Variants in SUCLG2 observed in about 807,000 individuals in gnomAD.
The protein encoded by SUCLG2 is succinate-CoA ligase GDP-forming subunit beta.
In SUCLG2, 42 loss-of-function variants were observed where a neutral mutation model predicts 47.9. The ratio of observed to expected loss-of-function variants is 0.88; its 90% confidence interval spans 0.69 to 1.14. SUCLG2 has a LOEUF of 1.14. Ranked by LOEUF, SUCLG2 falls within the 50% of genes most tolerant of loss-of-function variation. SUCLG2 has a pLI of 0.00. For missense variants in SUCLG2, 571 were observed against 525.9 expected (o/e 1.09, Z -0.84); for synonymous variants, 195 against 197.3 (o/e 0.99, Z 0.10).
chr3:67,450,349 C>T (rs1046350917), intron 9 of SUCLG2, among the ~76,000 whole-genome samples: 18 of 152,134 alleles, frequency 1.2e-4, no homozygotes, highest in African/African-American at 4.1e-4. Context: ...GGAAAATGTA[C>T]AATAGTTTTA....
chr3:67,577,036 C>T (rs1222664186), intron 2 of SUCLG2, among the ~76,000 whole-genome samples: 3 of 152,166 alleles, frequency 2.0e-5, no homozygotes, highest in African/African-American at 7.2e-5. Flanking sequence ...AACTAGGACA[C>T]TCAAAAGTGA....
At chr3:67,516,737 G>A (rs979425670) in intron 6 of SUCLG2, among the ~76,000 whole-genome samples, 1 of 152,190 alleles carries the variant, frequency 6.6e-6, no homozygotes, top group African/African-American at 2.4e-5. Flanking sequence ...ATCTAGCAAA[G>A]GTGACTGCAA....
intron 1 of SUCLG2, among the ~76,000 whole-genome samples, chr3:67,648,084 T>C (rs1823476): frequency 0.34 from 52,246 of 152,082 alleles, 9,218 homozygotes; most frequent in Non-Finnish European, 0.36. Flanking sequence ...CCAAATGTCT[T>C]AAATATCATC....
chr3:67,603,291 C>A (rs927892093), intron 2 of SUCLG2, among the ~76,000 whole-genome samples: 4 of 151,658 alleles, frequency 2.6e-5, no homozygotes, highest in Admixed American at 6.5e-5. Context: ...AAAGCCACAA[C>A]AATCAAGGAG....
At chr3:67,570,084 A>G (rs1477438985) in intron 2 of SUCLG2, among the ~76,000 whole-genome samples, 2 of 152,220 alleles carry the variant, frequency 1.3e-5, no homozygotes, top group Non-Finnish European at 2.9e-5. Flanking sequence ...GAGAGACATC[A>G]GGGACAGGAG....
At chr3:67,613,476 G>A (rs567834274) in intron 1 of SUCLG2, among the ~76,000 whole-genome samples, 1 of 152,244 alleles carries the variant, frequency 6.6e-6, no homozygotes, top group South Asian at 2.1e-4. Context: ...ACACATTCAG[G>A]CCAACGTTTA....
chr3:67,394,235 G>A (rs190881264), intron 10 of SUCLG2, among the ~76,000 whole-genome samples: 10,874 of 151,906 alleles, frequency 0.072, 399 homozygotes, highest in Middle Eastern at 0.14. Flanking sequence ...AGCTACAGGA[G>A]GAAATTCAAA....
At chr3:67,535,010 A>T (rs1667095638) in intron 2 of SUCLG2, among the ~76,000 whole-genome samples, 1 of 152,126 alleles carries the variant, frequency 6.6e-6, no homozygotes, top group Non-Finnish European at 1.5e-5. Context: ...TCCTATTATG[A>T]TATACATTGA....
chr3:67,533,821 G>C (rs192752864), intron 2 of SUCLG2, among the ~76,000 whole-genome samples: 3 of 152,290 alleles, frequency 2.0e-5, no homozygotes, highest in African/African-American at 7.2e-5. Flanking sequence ...ATGGGAATAA[G>C]ATGATACTGT....
At chr3:67,386,384 G>C (rs1446992297) in intron 10 of SUCLG2, among the ~76,000 whole-genome samples, 1 of 151,378 alleles carries the variant, frequency 6.6e-6, no homozygotes, top group Non-Finnish European at 1.5e-5. Flanking sequence ...CAAAAGTCTT[G>C]TACACTTCAT....
chr3:67,372,183 A>G (rs1475242002), downstream of SUCLG2, among the ~76,000 whole-genome samples: 2 of 152,216 alleles, frequency 1.3e-5, no homozygotes, highest in Non-Finnish European at 2.9e-5. Context: ...GACGGCACTG[A>G]TATTTACCAT....
chr3:67,382,774 G>A lies in SUCLG2; in HGVS notation c.1184-6915C>T, dbSNP rs533868033. Among the ~76,000 whole-genome samples the A allele has an allele frequency of 6.6e-4, 100 of 152,236 alleles. 1 individual carries two copies. Among genetic ancestry groups the A allele is most frequent in the Middle Eastern group, 6.8e-3 (2 of 294 alleles). On this transcript the variant is annotated intron_variant, in intron 10 of 10. Coordinates refer to ENST00000307227, the MANE Select transcript of SUCLG2 (RefSeq NM_003848.4). The stretch of plus-strand genomic sequence containing the variant: ...GCTGTGGCACAGACAGCATGGCCTC[G>A]AAAGCCTAAAGTATTTCAGCCCCTC...
At chr3:67,508,164 G>A (rs1202309095) in intron 7 of SUCLG2, among the ~76,000 whole-genome samples, 2 of 152,146 alleles carry the variant, frequency 1.3e-5, no homozygotes, top group African/African-American at 4.8e-5. Context: ...TCCAAGTAAG[G>A]TGAAAGAGTT....
At chr3:67,547,024 C>T (rs1193791295) in intron 2 of SUCLG2, among the ~76,000 whole-genome samples, 1 of 152,244 alleles carries the variant, frequency 6.6e-6, no homozygotes, top group African/African-American at 2.4e-5. Flanking sequence ...TATACCCCCA[C>T]ATTCTCTGCT....
At chr3:67,547,060 T>C (rs1042087761) in intron 2 of SUCLG2, among the ~76,000 whole-genome samples, 5 of 152,210 alleles carry the variant, frequency 3.3e-5, no homozygotes, top group African/African-American at 1.2e-4. Flanking sequence ...GGGTCTCTTG[T>C]ACCCCAAAAT....
chr3:67,535,201 T>C (rs1046718800), intron 2 of SUCLG2, among the ~76,000 whole-genome samples: 6 of 150,084 alleles, frequency 4.0e-5, no homozygotes, highest in Admixed American at 2.0e-4. Flanking sequence ...AAACGAAAGA[T>C]GTGAGTCAGC....
intron 1 of SUCLG2, among the ~76,000 whole-genome samples, chr3:67,637,705 G>A (rs1020624211): frequency 2.6e-5 from 4 of 152,170 alleles, no homozygotes; most frequent in Non-Finnish European, 1.5e-5. Context: ...TGACGTTTCC[G>A]TAAGTTATCT....
At chr3:67,632,449 C>T (rs993788749) in intron 1 of SUCLG2, among the ~76,000 whole-genome samples, 1 of 152,096 alleles carries the variant, frequency 6.6e-6, no homozygotes, top group African/African-American at 2.4e-5. Context: ...TCCCAAAGTA[C>T]TGAGATTAAA....
intron 10 of SUCLG2, among the ~76,000 whole-genome samples, chr3:67,390,813 T>C (rs1702363596): frequency 6.6e-6 from 1 of 152,174 alleles, no homozygotes; most frequent in Non-Finnish European, 1.5e-5. Context: ...GTAAACAAAA[T>C]GTTTTGAGTG....
Sources: allele counts gnomAD v4.1 joint callset (sites outside exome capture counted in the v4.1 genomes callset), GRCh38; gene constraint gnomAD v4.1.1; transcripts MANE v1.5; gene names NCBI Gene and HGNC (gene_info 2026-07-23, HGNC 2026-07-21).